The following EIF4E3 variants were observed in gnomAD, a reference collection of about 807,000 sequenced individuals.
EIF4E3 encodes eukaryotic translation initiation factor 4E family member 3.
EIF4E3 carries 26 observed loss-of-function variants against 31.7 expected under a neutral mutation model. That is an observed-to-expected ratio of 0.82 (90% CI 0.60 to 1.14). The LOEUF is 1.14. EIF4E3 is among the 50% of genes most tolerant of loss of function. The pLI, the probability that EIF4E3 is intolerant of heterozygous loss-of-function variation, is 0.00. For missense variants in EIF4E3, 304 were observed against 270.9 expected (o/e 1.12, Z -0.86); for synonymous variants, 128 against 107.7 (o/e 1.19, Z -1.17).
chr3:71,754,244 G>A (rs748595423), upstream of EIF4E3: 6 of 1,287,644 alleles, frequency 4.7e-6, no homozygotes, highest in African/African-American at 7.7e-5. The surrounding 1 kb of genome is among the most constrained non-coding windows in gnomAD (Gnocchi z 5.8). Flanking sequence ...TGGCCGACGG[G>A]CTGCGCGCGC....
chr3:71,714,232 GGGAA>G (rs2049425674), intron 1 of EIF4E3, among the ~76,000 whole-genome samples: 5 of 116,398 alleles, frequency 4.3e-5, no homozygotes, highest in African/African-American at 1.8e-4. Flanking sequence ...AAAGAAAGAA[GGGAA>G]GAAGGAAAGG....
At chr3:71,735,768 AT>A (rs57732888) in intron 1 of EIF4E3, among the ~76,000 whole-genome samples, 23,666 of 146,174 alleles carry the variant, frequency 0.16, 1,896 homozygotes, top group East Asian at 0.32. Flanking sequence ...ACATCTTTTC[AT>A]TTTTTTTTTT....
rs2108001656 is a variant in EIF4E3 at position 71,682,883 on chromosome 3, AT to A, written c.*1798del. On this transcript the variant is annotated 3_prime_UTR_variant, in exon 7 of 7. Coordinates refer to ENST00000425534, the MANE Select transcript of EIF4E3 (RefSeq NM_001134651.2). Reference sequence around the variant, plus strand: ...ATACATGACAATTAGAGTGAAGTCAATTATATCCTTTTTTCAATCAGAAAAA... The same window carrying A: ...ATACATGACAATTAGAGTGAAGTCAATATATCCTTTTTTCAATCAGAAAAA... The A allele has an allele frequency of 6.5e-6, 1 of 152,732 alleles. No individual in the cohort carries two copies. The highest frequency in any genetic ancestry group is 1.9e-4 in the East Asian group (1 of 5,192). 9.5% of individuals were successfully genotyped at this position (152,732 alleles called of 1,614,324 possible).
chr3:71,699,948 G>A (rs749498145), intron 2 of EIF4E3, among the ~76,000 whole-genome samples: 4 of 152,226 alleles, frequency 2.6e-5, no homozygotes, highest in East Asian at 1.9e-4. Flanking sequence ...CAAGGCAAGC[G>A]GATCACTTGA....
At chr3:71,734,728 A>C (rs1433249199) in intron 1 of EIF4E3, among the ~76,000 whole-genome samples, 1 of 152,202 alleles carries the variant, frequency 6.6e-6, no homozygotes, top group African/African-American at 2.4e-5. Flanking sequence ...GAAATGAATA[A>C]CTGAATCATT....
chr3:71,663,708 T>C, the EIF4E3 span, among the ~76,000 whole-genome samples: 1 of 152,214 alleles, frequency 6.6e-6, no homozygotes, highest in Non-Finnish European at 1.5e-5. Flanking sequence ...CCGGGAGACG[T>C]CCCGCCTGCC....
intron 3 of EIF4E3, among the ~76,000 whole-genome samples, chr3:71,698,568 C>A (rs1353570267): frequency 1.3e-5 from 2 of 152,214 alleles, no homozygotes; most frequent in Admixed American, 1.3e-4. Context: ...CACGTCCTAG[C>A]TTCAAAGATG....
At chr3:71,696,077 T>C (rs1377480050) in intron 4 of EIF4E3, among the ~76,000 whole-genome samples, 2 of 152,172 alleles carry the variant, frequency 1.3e-5, no homozygotes, top group Non-Finnish European at 2.9e-5. Flanking sequence ...GTTCCCCCTG[T>C]AGAGGAGGGA....
downstream of EIF4E3, among the ~76,000 whole-genome samples, chr3:71,674,389 G>A (rs1340772223): frequency 1.3e-5 from 2 of 152,058 alleles, no homozygotes; most frequent in African/African-American, 4.8e-5. Flanking sequence ...TTACAGGCAT[G>A]AGCCACTGCG....
upstream of EIF4E3, chr3:71,754,351 TG>T: frequency 7.7e-7 from 1 of 1,306,964 alleles, no homozygotes. This position sits in a 1 kb window ranked among gnomAD's most constrained non-coding sequence, Gnocchi z 5.8. Context: ...CTCGCCTTCC[TG>T]GCCGCGCTCT....
upstream of EIF4E3, chr3:71,754,195 T>G: frequency 7.0e-7 from 1 of 1,418,786 alleles, no homozygotes. The surrounding 1 kb of genome is among the most constrained non-coding windows in gnomAD (Gnocchi z 5.8). Context: ...GAGCGCAGCC[T>G]GCACCGCGCC....
downstream of EIF4E3, among the ~76,000 whole-genome samples, chr3:71,671,729 C>A (rs189196475): frequency 6.6e-6 from 1 of 152,200 alleles, no homozygotes; most frequent in Admixed American, 6.5e-5. Context: ...TAGATTTGTG[C>A]ATGCTGCCCA....
chr3:71,701,235 C>G (rs2049212157), intron 2 of EIF4E3, among the ~76,000 whole-genome samples: 1 of 152,218 alleles, frequency 6.6e-6, no homozygotes. Flanking sequence ...AACAGGAAGT[C>G]TTGGCAAAGA....
intron 1 of EIF4E3, among the ~76,000 whole-genome samples, chr3:71,733,036 A>C (rs1332728648): frequency 2.0e-5 from 3 of 152,230 alleles, no homozygotes; most frequent in African/African-American, 7.2e-5. Flanking sequence ...ATAACCCTAC[A>C]TCTTCTCTGC....
chr3:71,684,829 TG>T (rs2048970067), intron 6 of EIF4E3, 101 bp from the exon 7 acceptor site: 1 of 1,251,538 alleles, frequency 8.0e-7, no homozygotes. Context: ...CTTCCCCAAA[TG>T]TTGGCAAGAA....
chr3:71,708,953 C>T (rs1300676789), intron 2 of EIF4E3, among the ~76,000 whole-genome samples: 2 of 152,166 alleles, frequency 1.3e-5, no homozygotes, highest in Non-Finnish European at 2.9e-5. Context: ...CCAGAAATGG[C>T]CCACAGTCAG....
chr3:71,716,178 C>A (rs546413604), intron 1 of EIF4E3, among the ~76,000 whole-genome samples: 23 of 152,278 alleles, frequency 1.5e-4, no homozygotes, highest in Admixed American at 1.2e-3. Flanking sequence ...AAAAATACCC[C>A]CAAATGTAAT....
intron 6 of EIF4E3, among the ~76,000 whole-genome samples, chr3:71,689,520 T>C (rs768584819): frequency 6.6e-5 from 10 of 152,246 alleles, no homozygotes; most frequent in Non-Finnish European, 1.2e-4. Flanking sequence ...TTCTGTGTCA[T>C]AGTCATTCAT....
intron 2 of EIF4E3, among the ~76,000 whole-genome samples, chr3:71,707,639 T>G (rs1288545843): frequency 6.6e-6 from 1 of 152,084 alleles, no homozygotes; most frequent in Admixed American, 6.5e-5. Context: ...AAAAGAACCC[T>G]TTTTCCTAAT....
Sources: gnomAD v4.1 joint callset for allele counts (sites outside exome capture counted in the v4.1 genomes callset) on GRCh38, gnomAD v4.1.1 for gene constraint, Gnocchi (gnomAD v3.1) non-coding constraint, MANE v1.5 for transcripts, NCBI Gene and HGNC (gene_info 2026-07-23, HGNC 2026-07-21) for gene names.